Variants in RBFOX1 observed in about 807,000 individuals in gnomAD.
RBFOX1 encodes the protein RNA binding protein fox-1 homolog 1.
RBFOX1 carries 8 observed loss-of-function variants against 57.7 expected under a neutral mutation model. The ratio of observed to expected loss-of-function variants is 0.14; its 90% CI spans 0.08 to 0.25. The LOEUF (loss-of-function observed/expected upper bound fraction) is 0.25. Ranked by LOEUF, RBFOX1 falls within the 10% of genes least tolerant of loss-of-function variation. The probability of loss-of-function intolerance (pLI) is 1.00; values close to 1 mark genes in which losing one functional copy is unlikely to be tolerated. For missense variants in RBFOX1, 611 were observed against 548.5 expected (o/e 1.11, Z -1.14); for synonymous variants, 326 against 222.4 (o/e 1.47, Z -4.15).
At chr16:5,660,535 C>G (rs963137182) in intron 3 of RBFOX1, among the ~76,000 whole-genome samples, 3 of 152,066 alleles carry the variant, frequency 2.0e-5, no homozygotes, top group Non-Finnish European at 4.4e-5. Flanking sequence ...ATTAAATCAC[C>G]CAGGTGCTAT....
intron 4 of RBFOX1, among the ~76,000 whole-genome samples, chr16:7,273,231 T>C (rs1470902974): frequency 7.4e-6 from 1 of 136,008 alleles, no homozygotes; most frequent in African/African-American, 2.7e-5. Flanking sequence ...CCTTCCTTCC[T>C]TCCTTCCTTC....
chr16:6,682,964 G>C (rs991096665), intron 3 of RBFOX1, among the ~76,000 whole-genome samples: 1 of 151,996 alleles, frequency 6.6e-6, no homozygotes, highest in Admixed American at 6.6e-5. Context: ...CCTCATAGGG[G>C]TTGACAAGCT....
At chr16:6,494,204 A>C (rs7201579) in intron 2 of RBFOX1, among the ~76,000 whole-genome samples, 34,736 of 152,138 alleles carry the variant, frequency 0.23, 4,580 homozygotes, top group Non-Finnish European at 0.3. Context: ...GCTGCAATCC[A>C]CTGACCTTAT....
chr16:7,036,706 C>CAAA (rs1408209287), intron 3 of RBFOX1, among the ~76,000 whole-genome samples: 3 of 140,352 alleles, frequency 2.1e-5, no homozygotes, highest in African/African-American at 7.7e-5. Context: ...AACAAACAAA[C>CAAA]AAACAAAAAA....
rs1191832067 is a variant in RBFOX1 at position 5,518,282 on chromosome 16, T to G, written c.258+51028T>G. On this transcript the variant is annotated intron_variant, in intron 2 of 2. Transcript: ENST00000585867. ...CTGCTGGAGTGTGGGTTCTTCTGAG[T>G]TAGATGAGCATGGACAACTGTTTGC... 2.0e-5 allele frequency among the ~76,000 whole-genome samples: 3 copies of G among 152,212 alleles called. No individual in the cohort carries two copies. The South Asian group carries it at 6.2e-4, about 32-fold the overall frequency.
At chr16:5,479,982 C>T (rs890712579) in intron 2 of RBFOX1, among the ~76,000 whole-genome samples, 1 of 152,118 alleles carries the variant, frequency 6.6e-6, no homozygotes, top group Non-Finnish European at 1.5e-5. Context: ...CACAGGAGGT[C>T]AAGAGCTTGG....
intron 1 of RBFOX1, among the ~76,000 whole-genome samples, chr16:5,404,161 G>T (rs1437003949): frequency 1.3e-5 from 2 of 151,970 alleles, no homozygotes; most frequent in Non-Finnish European, 2.9e-5. Flanking sequence ...AGGAGATATG[G>T]GGGTGGATGG....
chr16:7,163,748 G>A (rs768091414), intron 4 of RBFOX1, among the ~76,000 whole-genome samples: 17 of 151,910 alleles, frequency 1.1e-4, no homozygotes, highest in Non-Finnish European at 2.2e-4. Context: ...CCTCTGCCTC[G>A]TGGGTTCAAG....
chr16:6,256,175 A>ATATATATGTATATATATG (rs1567787725), intron 1 of RBFOX1, among the ~76,000 whole-genome samples: 1 of 28,324 alleles, frequency 3.5e-5, no homozygotes, highest in Non-Finnish European at 8.0e-5. Context: ...ATATATGTAT[A>ATATATATGTATATATATG]TATATATATA....
At chr16:5,290,212 A>G (rs1567287010) in intron 1 of RBFOX1, among the ~76,000 whole-genome samples, 1 of 152,190 alleles carries the variant, frequency 6.6e-6, no homozygotes, top group African/African-American at 2.4e-5. Context: ...AAATACAAAG[A>G]TTAGCTTGGT....
At chr16:7,673,363 G>A (rs895569421) in intron 13 of RBFOX1, among the ~76,000 whole-genome samples, 1 of 152,134 alleles carries the variant, frequency 6.6e-6, no homozygotes, top group African/African-American at 2.4e-5. Flanking sequence ...TTTGGTTGTG[G>A]AAATTTTCCT....
At chr16:6,415,611 G>C (rs1465783247) in intron 2 of RBFOX1, among the ~76,000 whole-genome samples, 1 of 152,134 alleles carries the variant, frequency 6.6e-6, no homozygotes, top group East Asian at 1.9e-4. Context: ...TGAGACAGAA[G>C]AATCGCTTGA....
chr16:5,247,601 C>G (rs539842326), intron 1 of RBFOX1, among the ~76,000 whole-genome samples: 185 of 152,302 alleles, frequency 1.2e-3, no homozygotes, highest in African/African-American at 4.3e-3. Context: ...CCTGTTCATA[C>G]AAATAAAGTT....
intron 4 of RBFOX1, among the ~76,000 whole-genome samples, chr16:7,223,027 C>A (rs937136840): frequency 1.5e-4 from 23 of 152,160 alleles, no homozygotes; most frequent in African/African-American, 5.3e-4. Context: ...CATCTGGCCA[C>A]CTGTTATATA....
intron 3 of RBFOX1, among the ~76,000 whole-genome samples, chr16:5,654,455 G>T (rs931537351): frequency 6.6e-6 from 1 of 152,170 alleles, no homozygotes; most frequent in Non-Finnish European, 1.5e-5. Flanking sequence ...TTCTTGTGGA[G>T]GTTGGGAAGG....
At chr16:7,504,924 T>G (rs1258723327) in intron 4 of RBFOX1, among the ~76,000 whole-genome samples, 2 of 148,684 alleles carry the variant, frequency 1.3e-5, no homozygotes, top group Admixed American at 6.8e-5. Context: ...TGAAGCAATT[T>G]CGCAAACAGA....
intron 3 of RBFOX1, among the ~76,000 whole-genome samples, chr16:5,696,455 G>A (rs2050844968): frequency 6.6e-6 from 1 of 152,102 alleles, no homozygotes; most frequent in South Asian, 2.1e-4. Context: ...CTTATTCAAG[G>A]CTGTAAGAAA....
intron 2 of RBFOX1, among the ~76,000 whole-genome samples, chr16:6,485,665 G>A (rs1354494435): frequency 6.6e-6 from 1 of 152,100 alleles, no homozygotes; most frequent in African/African-American, 2.4e-5. Context: ...TTTTAACCAA[G>A]CAACTAGACT....
intron 4 of RBFOX1, among the ~76,000 whole-genome samples, chr16:5,920,311 A>G (rs1460267949): frequency 2.6e-5 from 4 of 152,132 alleles, no homozygotes; most frequent in African/African-American, 4.8e-5. Context: ...CATTACCCAT[A>G]TAATTGTATG....
Sources: allele counts gnomAD v4.1 joint callset (sites outside exome capture counted in the v4.1 genomes callset), GRCh38; gene constraint gnomAD v4.1.1; transcripts MANE v1.5; gene names NCBI Gene and HGNC (gene_info 2026-07-23, HGNC 2026-07-21).